The following MYL1 variants were observed in gnomAD, a reference collection of about 807,000 sequenced individuals.
MYL1 encodes the protein myosin light chain 1.
In MYL1, 16 loss-of-function variants were observed where a neutral mutation model predicts 21.8. That is an observed-to-expected ratio of 0.74 (90% CI 0.50 to 1.12). The LOEUF is 1.12. MYL1 is among the 50% of genes most tolerant of loss of function. The pLI is 0.00. For missense variants in MYL1, 246 were observed against 241.0 expected (o/e 1.02, Z -0.14); for synonymous variants, 99 against 85.2 (o/e 1.16, Z -0.89).
intron 1 of MYL1, among the ~76,000 whole-genome samples, chr2:210,314,385 C>G (rs1690459111): frequency 6.6e-6 from 1 of 152,048 alleles, no homozygotes; most frequent in South Asian, 2.1e-4. Flanking sequence ...TTTTATTAGG[C>G]AAAGCTGAAG....
At chr2:210,314,721 C>A (rs968818129) in intron 1 of MYL1, among the ~76,000 whole-genome samples, 190 bp downstream of exon 1, 1 of 152,106 alleles carries the variant, frequency 6.6e-6, no homozygotes, top group African/African-American at 2.4e-5. Context: ...CATATGATAC[C>A]ATACTCTAAT....
intron 3 of MYL1, among the ~76,000 whole-genome samples, chr2:210,295,771 G>A (rs1249112956): frequency 6.6e-6 from 1 of 151,176 alleles, no homozygotes; most frequent in Non-Finnish European, 1.5e-5. Flanking sequence ...CTTGCAGTGG[G>A]CTATGATCAT....
chr2:210,298,672 C>A, intron 2 of MYL1, 109 bp from the exon 3 acceptor site: 1 of 1,201,556 alleles, frequency 8.3e-7, no homozygotes, highest in Non-Finnish European at 1.2e-6. Context: ...CAACTTCTGC[C>A]AACTATGCAA....
At chr2:210,313,450 A>G (rs1690446138) in intron 1 of MYL1, among the ~76,000 whole-genome samples, 1 of 152,000 alleles carries the variant, frequency 6.6e-6, no homozygotes, top group African/African-American at 2.4e-5. Context: ...GGATACATTA[A>G]CTAGGATTGC....
chr2:210,294,713 T>G lies in MYL1; in HGVS notation c.305-295A>C, dbSNP rs948984870. Among the ~76,000 whole-genome samples, 25 of 152,176 alleles carry G rather than the reference T, an allele frequency of 1.6e-4. 1 individual carries two copies. Among genetic ancestry groups the G allele is most frequent in the Non-Finnish European group, 1.5e-5 (1 of 68,024 alleles). ...AAATAGAGATAACTAATAGTGTTATTGTGAGAACTAAATGAGCTAATGAAT... is the reference window on the plus strand; with the variant it reads ...AAATAGAGATAACTAATAGTGTTATGGTGAGAACTAAATGAGCTAATGAAT... On this transcript the variant is annotated intron_variant, in intron 3 of 6. Transcript: ENST00000352451.
At chr2:210,294,794 T>C (rs1413423759) in intron 3 of MYL1, among the ~76,000 whole-genome samples, 1 of 152,200 alleles carries the variant, frequency 6.6e-6, no homozygotes, top group East Asian at 1.9e-4. Flanking sequence ...TGTTAGCTTT[T>C]TTTTAGTATT....
intron 1 of MYL1, among the ~76,000 whole-genome samples, chr2:210,306,511 T>G (rs1690343733): frequency 6.6e-6 from 1 of 152,226 alleles, no homozygotes; most frequent in Non-Finnish European, 1.5e-5. Context: ...TTCACCCTAG[T>G]CTTTCTCCAT....
chr2:210,309,890 A>C lies in MYL1; in HGVS notation c.132+5021T>G, dbSNP rs529819080. On this transcript the variant is annotated intron_variant, in intron 1 of 6. Coordinates refer to ENST00000352451, the MANE Select transcript of MYL1 (RefSeq NM_079420.3). ...TTATTCACTATTAATTGGTGAACAT[A>C]TCTCTTCTTTTCAAAGCTGCATTTT... 7.9e-5 allele frequency among the ~76,000 whole-genome samples: 12 copies of C among 152,186 alleles called. No homozygotes were observed. In the South Asian group the frequency reaches 2.3e-3, roughly 29 times the overall value.
chr2:210,297,343 A>C (rs1312425346), intron 3 of MYL1, among the ~76,000 whole-genome samples: 1 of 151,990 alleles, frequency 6.6e-6, no homozygotes, highest in Non-Finnish European at 1.5e-5. Flanking sequence ...TTGTCTTTTT[A>C]ATAATGACCA....
intron 5 of MYL1, among the ~76,000 whole-genome samples, chr2:210,292,975 C>A (rs1286790606): frequency 6.6e-6 from 1 of 152,150 alleles, no homozygotes. Context: ...TAAGCCCTTT[C>A]TTTTTGTCCT....
intron 1 of MYL1, chr2:210,303,552 C>T (rs200303195): frequency 1.2e-4 from 201 of 1,610,522 alleles, no homozygotes; most frequent in Non-Finnish European, 1.6e-4. Context: ...CATGATGGAG[C>T]GGCTGGGCTG....
At chr2:210,306,254 G>A (rs1466325500) in intron 1 of MYL1, among the ~76,000 whole-genome samples, 2 of 151,530 alleles carry the variant, frequency 1.3e-5, no homozygotes, top group African/African-American at 4.9e-5. Context: ...GGTGACATAC[G>A]CCCATAGTCG....
At chr2:210,290,651 C>T (rs542529079) in intron 6 of MYL1, among the ~76,000 whole-genome samples, 184 bp from the exon 7 acceptor site, 11 of 152,232 alleles carry the variant, frequency 7.2e-5, no homozygotes, top group South Asian at 2.1e-4. Context: ...TGTTATAACA[C>T]GGTTTTCTAG....
At chr2:210,297,900 G>A (rs1392927597) in intron 3 of MYL1, among the ~76,000 whole-genome samples, 1 of 151,958 alleles carries the variant, frequency 6.6e-6, no homozygotes, top group African/African-American at 2.4e-5. Context: ...CATTTCCACA[G>A]CTTTTATCAG....
chr2:210,312,963 C>T (rs187325156), intron 1 of MYL1, among the ~76,000 whole-genome samples: 43 of 151,816 alleles, frequency 2.8e-4, no homozygotes, highest in East Asian at 1.5e-3. Context: ...TATTGACAGA[C>T]GAATGTCAAT....
At chr2:210,308,408 AT>A (rs1334301212) in intron 1 of MYL1, among the ~76,000 whole-genome samples, 8 of 45,236 alleles carry the variant, frequency 1.8e-4, no homozygotes, top group African/African-American at 4.7e-4. Flanking sequence ...TAATATATAT[AT>A]ATATATATAT....
chr2:210,296,762 T>C (rs1393200571), intron 3 of MYL1, among the ~76,000 whole-genome samples: 1 of 152,072 alleles, frequency 6.6e-6, no homozygotes, highest in Non-Finnish European at 1.5e-5. Flanking sequence ...ACTTTGGTAT[T>C]TATTAACCAA....
intron 2 of MYL1, 38 bp downstream of exon 2, chr2:210,302,450 G>C (rs1219843640): frequency 6.3e-7 from 1 of 1,585,634 alleles, no homozygotes; most frequent in Admixed American, 1.8e-5. Context: ...CCATCTTTAT[G>C]AGTGTGCACA....
At chr2:210,297,609 G>T (rs996722799) in intron 3 of MYL1, among the ~76,000 whole-genome samples, 39 of 150,184 alleles carry the variant, frequency 2.6e-4, no homozygotes, top group African/African-American at 9.0e-4. Context: ...TTTTTTGTTT[G>T]TTTTGAGTAT....
Sources: allele counts gnomAD v4.1 joint callset (sites outside exome capture counted in the v4.1 genomes callset), GRCh38; gene constraint gnomAD v4.1.1; transcripts MANE v1.5; gene names NCBI Gene and HGNC (gene_info 2026-07-23, HGNC 2026-07-21).